The following CYB5R4 variants were observed in gnomAD, a reference collection of about 807,000 sequenced individuals.
CYB5R4 encodes the protein N-terminal cytochrome b5 and cytochrome b5 oxidoreductase domain-containing protein.
CYB5R4 carries 55 observed loss-of-function variants against 70.2 expected under a neutral mutation model. The ratio of observed to expected loss-of-function variants is 0.78; its 90% CI spans 0.63 to 0.98. The LOEUF (loss-of-function observed/expected upper bound fraction) is 0.98. CYB5R4 is among the 50% of genes least tolerant of loss of function. CYB5R4 has a pLI of 0.00. For missense variants in CYB5R4, 562 were observed against 612.6 expected (o/e 0.92, Z 0.87); for synonymous variants, 197 against 199.5 (o/e 0.99, Z 0.11).
chr6:83,937,829 C>T (rs981705579), intron 12 of CYB5R4, among the ~76,000 whole-genome samples: 2 of 152,126 alleles, frequency 1.3e-5, no homozygotes, highest in Non-Finnish European at 2.9e-5. Flanking sequence ...AGTAAAGGTA[C>T]TTTGAAGGAA....
At chr6:83,916,826 C>G (rs1436368651) in intron 5 of CYB5R4, among the ~76,000 whole-genome samples, 2 of 152,070 alleles carry the variant, frequency 1.3e-5, no homozygotes, top group Non-Finnish European at 2.9e-5. Context: ...CTGTCTTGTC[C>G]CAAAGGTGTC....
intron 3 of CYB5R4, among the ~76,000 whole-genome samples, chr6:83,908,213 A>G (rs922709418): frequency 1.3e-5 from 2 of 152,114 alleles, no homozygotes; most frequent in African/African-American, 4.8e-5. Flanking sequence ...TTTGATTTGC[A>G]TTTCTCAAAT....
At chr6:83,888,624 C>T (rs1189605229) in intron 2 of CYB5R4, among the ~76,000 whole-genome samples, 1 of 152,100 alleles carries the variant, frequency 6.6e-6, no homozygotes, top group Non-Finnish European at 1.5e-5. Context: ...CCTGTCTCAC[C>T]TTCTTCTTGG....
intron 3 of CYB5R4, among the ~76,000 whole-genome samples, chr6:83,897,613 T>C (rs2099462123): frequency 6.6e-6 from 1 of 152,312 alleles, no homozygotes; most frequent in Non-Finnish European, 1.5e-5. Flanking sequence ...TGGTATCTCA[T>C]TGTGGTTTTG....
chr6:83,909,964 C>T, intron 4 of CYB5R4: 3 of 1,470,074 alleles, frequency 2.0e-6, no homozygotes, highest in Non-Finnish European at 2.8e-6. Context: ...GTAGAGAAAC[C>T]ATCTTATATG....
intron 2 of CYB5R4, among the ~76,000 whole-genome samples, chr6:83,867,425 A>T (rs926058222): frequency 2.0e-5 from 3 of 152,232 alleles, no homozygotes; most frequent in Non-Finnish European, 4.4e-5. Flanking sequence ...TGTTCCTCAT[A>T]TAGATGGCAG....
At chr6:83,869,324 T>C (rs1311062413) in intron 2 of CYB5R4, among the ~76,000 whole-genome samples, 2 of 152,214 alleles carry the variant, frequency 1.3e-5, no homozygotes, top group African/African-American at 4.8e-5. Flanking sequence ...ATATAGTTGA[T>C]CCTCATTATT....
At chr6:83,865,723 A>G (rs1007298123) in intron 2 of CYB5R4, among the ~76,000 whole-genome samples, 2 of 152,146 alleles carry the variant, frequency 1.3e-5, no homozygotes, top group Non-Finnish European at 2.9e-5. Context: ...TAGGACTTCA[A>G]CCTATGAATT....
intron 14 of CYB5R4, among the ~76,000 whole-genome samples, chr6:83,954,496 T>C (rs1309217220): frequency 6.6e-6 from 1 of 152,162 alleles, no homozygotes; most frequent in Non-Finnish European, 1.5e-5. Flanking sequence ...ACCTAGACAA[T>C]GAACATAGTA....
intron 14 of CYB5R4, among the ~76,000 whole-genome samples, chr6:83,944,633 A>T (rs886905949): frequency 1.3e-5 from 2 of 152,210 alleles, no homozygotes; most frequent in Admixed American, 1.3e-4. Context: ...GAAAAGGTAC[A>T]GTCTGGCAAA....
chr6:83,895,304 T>C (rs1482866562), intron 3 of CYB5R4, among the ~76,000 whole-genome samples: 1 of 152,044 alleles, frequency 6.6e-6, no homozygotes, highest in Non-Finnish European at 1.5e-5. Context: ...TAGCTGAGAT[T>C]ACAGGAGTGT....
In CYB5R4 at chr6:83,960,719, G is replaced by C. The variant is rs1588590637; in HGVS notation, c.*841G>C. 1 of 152,290 alleles carries C rather than the reference G, an allele frequency of 6.6e-6. No homozygotes were observed. The allele number at this position is 152,290 out of a possible 1,614,324, so 9.4% of individuals were successfully genotyped here. On this transcript the variant is annotated 3_prime_UTR_variant, in exon 16 of 16. Coordinates refer to ENST00000369681, the MANE Select transcript of CYB5R4 (RefSeq NM_016230.4). ...ATTCTTTAGTCCATCTAAATCAGCT[G>C]GAAAAATGAGGAACATTCTGCCTTG...
At position 83,909,206 on chromosome 6, in the gene CYB5R4, G is replaced by GC. The variant is rs1489560080; in HGVS notation, c.412+118dup. 167 of 728,202 alleles carry GC rather than the reference G, an allele frequency of 2.3e-4. 3 individuals are homozygous for GC. In the East Asian group the frequency reaches 4.6e-3, roughly 20 times the overall value. The allele number at this position is 728,202 out of a possible 1,614,324, so 45.1% of individuals were successfully genotyped here. A position where few individuals can be genotyped will look rare whatever the true frequency, so the allele number is the denominator to read the frequency against. On this transcript the variant is annotated intron_variant, in intron 4 of 15. Transcript: ENST00000369681. ...CACTATGGTTTTGTAATTTTCATTG[G>GC]CCTCCTGGTCTAGCCACTCCAGAGG...
intron 14 of CYB5R4, among the ~76,000 whole-genome samples, chr6:83,946,668 A>G (rs1030839579): frequency 2.0e-5 from 3 of 152,208 alleles, no homozygotes; most frequent in Non-Finnish European, 2.9e-5. Flanking sequence ...ATATTTAGAA[A>G]GCCCCATCAT....
chr6:83,883,548 C>G (rs917319905), intron 2 of CYB5R4, among the ~76,000 whole-genome samples: 3 of 152,040 alleles, frequency 2.0e-5, no homozygotes, highest in Non-Finnish European at 4.4e-5. Context: ...ATTCTATACC[C>G]GTAGGGAGAC....
chr6:83,930,650 G>A (rs2099468003), intron 10 of CYB5R4, among the ~76,000 whole-genome samples: 1 of 152,022 alleles, frequency 6.6e-6, no homozygotes, highest in South Asian at 2.1e-4. Flanking sequence ...CCATCTGTGA[G>A]AACTGGAATC....
At chr6:83,946,903 G>A (rs748043045) in intron 14 of CYB5R4, among the ~76,000 whole-genome samples, 1 of 151,846 alleles carries the variant, frequency 6.6e-6, no homozygotes, top group Non-Finnish European at 1.5e-5. Flanking sequence ...ACTACTCCAG[G>A]AAATAGGACA....
intron 6 of CYB5R4, 144 bp downstream of exon 6, chr6:83,918,209 AT>A: frequency 1.9e-6 from 1 of 533,156 alleles, no homozygotes; most frequent in Non-Finnish European, 3.4e-6. Context: ...TGCCTCATTT[AT>A]TAGATGTTGT....
In CYB5R4 at chr6:83,924,527, C is replaced by A. The variant is rs1485488709; in HGVS notation, c.749C>A (p.Thr250Asn). ...IEIVLQKKEN[T>N]SWDFLGHPLK... ...ATTGTTCTACAAAAAAAAGAGAATA[C>A]TTCTTGGGACTTTCTTGGCCATCCC... Residue 250 changes from threonine to asparagine, a missense_variant, in exon 10 of 16, where the codon ACT becomes AAT. Physicochemically the swap from Thr to Asn is moderately conservative, Grantham distance 65. Coordinates refer to ENST00000369681, the MANE Select transcript of CYB5R4 (RefSeq NM_016230.4). 1 of 1,613,220 alleles carries A rather than the reference C, an allele frequency of 6.2e-7. No homozygotes were observed. The highest frequency in any genetic ancestry group is 1.7e-5 in the Admixed American group (1 of 59,970).
Sources: allele counts gnomAD v4.1 joint callset (sites outside exome capture counted in the v4.1 genomes callset), GRCh38; gene constraint gnomAD v4.1.1; transcripts MANE v1.5; gene names NCBI Gene and HGNC (gene_info 2026-07-23, HGNC 2026-07-21).